BRD1: variants seen among roughly 807,000 people sequenced by gnomAD.
BRD1 encodes the protein bromodomain containing 1, also known as bromodomain-containing protein 1.
A neutral mutation model predicts 107.7 loss-of-function variants in BRD1; 24 were observed. The ratio of observed to expected loss-of-function variants is 0.22; its 90% CI spans 0.16 to 0.31. BRD1 has a LOEUF of 0.31. Ranked by LOEUF, BRD1 falls within the 10% of genes least tolerant of loss-of-function variation. The pLI, the probability that BRD1 is intolerant of heterozygous loss-of-function variation, is 1.00. For missense variants in BRD1, 1,279 were observed against 1,638.6 expected, an observed-to-expected ratio of 0.78 and a Z score of 3.79; for synonymous variants, 744 against 686.1, an observed-to-expected ratio of 1.08 and a Z score of -1.32.
At chr22:49,819,900 C>T (rs571236071) in intron 2 of BRD1, among the ~76,000 whole-genome samples, 4 of 151,346 alleles carry the variant, frequency 2.6e-5, no homozygotes, top group Non-Finnish European at 5.9e-5. Flanking sequence ...GAGTTCGAGG[C>T]GGGTGGATCA....
intron 7 of BRD1, among the ~76,000 whole-genome samples, chr22:49,791,788 C>T (rs2059440250): frequency 6.6e-6 from 1 of 152,086 alleles, no homozygotes; most frequent in African/African-American, 2.4e-5. Context: ...CGCCTCACCT[C>T]GGAGTGGACT....
chr22:49,791,545 G>A (rs991127834), intron 7 of BRD1, among the ~76,000 whole-genome samples: 23 of 152,310 alleles, frequency 1.5e-4, no homozygotes, highest in African/African-American at 4.3e-4. Flanking sequence ...TGATGAGAAC[G>A]TTCATGCTGG....
At chr22:49,775,931 C>CA in intron 11 of BRD1, 119 bp downstream of exon 11, 1 of 1,193,752 alleles carries the variant, frequency 8.4e-7, no homozygotes, top group Non-Finnish European at 1.2e-6. Context: ...ACCAACCCCG[C>CA]CCCCCCGCCA....
intron 8 of BRD1, among the ~76,000 whole-genome samples, chr22:49,785,367 G>A (rs887243657): frequency 6.6e-6 from 1 of 152,266 alleles, no homozygotes; most frequent in African/African-American, 2.4e-5. Flanking sequence ...CCATACCTCT[G>A]CCGCCGACAG....
intron 2 of BRD1, among the ~76,000 whole-genome samples, chr22:49,815,534 C>T (rs2059933422): frequency 6.8e-6 from 1 of 146,824 alleles, no homozygotes; most frequent in Non-Finnish European, 1.5e-5. Context: ...CACAGCAAGA[C>T]TCCATCTCAA....
chr22:49,794,059 C>A lies in BRD1; in HGVS notation c.2334G>T (p.Ala778=), dbSNP rs1385605566. The A allele has an allele frequency of 2.5e-6, 4 of 1,613,656 alleles. No homozygotes were observed. The highest frequency in any genetic ancestry group is 3.4e-6 in the Non-Finnish European group (4 of 1,179,956). ...CTTCCTCGCCCGCCTCCGGCCCCAG[C>A]GCAGCTCCGTCCTCTTCGAAGCCTT... ...GLEGFEEDGA[A]LGPEAGEEGD... Residue 778 remains alanine (A), a synonymous_variant, in exon 7 of 13, where the codon GCG becomes GCT. Coordinates refer to ENST00000404760, the MANE Select transcript of BRD1 (RefSeq NM_001304808.3).
intron 7 of BRD1, among the ~76,000 whole-genome samples, chr22:49,791,833 C>T (rs1433995296): frequency 1.3e-5 from 2 of 152,180 alleles, no homozygotes; most frequent in Non-Finnish European, 2.9e-5. Context: ...ACCTTCCCAT[C>T]AGCTCACAGG....
chr22:49,777,999 G>A (rs1050184772), intron 8 of BRD1, among the ~76,000 whole-genome samples, 186 bp from the exon 9 acceptor site: 1 of 152,226 alleles, frequency 6.6e-6, no homozygotes, highest in African/African-American at 2.4e-5. Context: ...AAAGTTACTC[G>A]TTAAATGAAA....
intron 8 of BRD1, 86 bp from the exon 9 acceptor site, chr22:49,777,899 C>A: frequency 6.8e-7 from 1 of 1,470,868 alleles, no homozygotes; most frequent in Admixed American, 2.2e-5. Flanking sequence ...TGGAACACAT[C>A]TTACAAAGCA....
rs546089892 is a variant in BRD1, at chr22:49,775,868, C to T, written c.3232-123G>A. The T allele has an allele frequency of 5.1e-5, 63 of 1,246,560 alleles. No individual in the cohort carries two copies. The East Asian group carries it at 1.0e-3, about 21-fold the overall frequency. 77.2% of individuals were successfully genotyped at this position (1,246,560 alleles called of 1,614,324 possible). A position where few individuals can be genotyped will look rare whatever the true frequency, so the allele number is the denominator to read the frequency against. On this transcript the variant is annotated intron_variant, in intron 11 of 12. Coordinates refer to ENST00000404760, the MANE Select transcript of BRD1 (RefSeq NM_001304808.3). ...TGTGAGCCTCCTCAGACCACCCCCA[C>T]GCCCCCCTCGCCGAACCACCCCTGC...
In BRD1 at chr22:49,823,508, G is replaced by A. The variant is rs1353642814; in HGVS notation, c.810C>T (p.Asp270=). Residue 270 remains aspartate (D), a synonymous_variant, in exon 2 of 13, where the codon GAC becomes GAT. Transcript: ENST00000404760. The part of the protein sequence containing the change: ...HCLQSRARPA[D]CVLCPNKGGA... ...CACCCTTGTTGGGGCACAGCACACA[G>A]TCGGCGGGCCGGGCCCGCGACTGCA... The A allele has an allele frequency of 3.7e-6, 6 of 1,603,776 alleles. No individual in the cohort carries two copies. Among genetic ancestry groups the A allele is most frequent in the Middle Eastern group, 1.7e-4 (1 of 6,048 alleles).
In BRD1 at chr22:49,824,902, CA is replaced by C. The variant is rs2147442255; in HGVS notation, c.-14-572del. 1 of 830,518 alleles carries C rather than the reference CA, an allele frequency of 1.2e-6. No homozygotes were observed. The highest frequency in any genetic ancestry group is 1.1e-4 in the East Asian group (1 of 8,908). 51.4% of individuals were successfully genotyped at this position (830,518 alleles called of 1,614,324 possible). A position where few individuals can be genotyped will look rare whatever the true frequency, so the allele number is the denominator to read the frequency against. ...GTCCTTGCAGCATTCCTGCTGGGGC[CA>C]GGGGTAGGAGACAGATCACAGCCTG... On this transcript the variant is annotated intron_variant, in intron 1 of 12. Coordinates refer to ENST00000404760, the MANE Select transcript of BRD1 (RefSeq NM_001304808.3). The surrounding 1 kb of genome is among the most constrained non-coding windows in gnomAD (Gnocchi z 5.9).
chr22:49,822,801 A>G, intron 2 of BRD1, 150 bp downstream of exon 2: 1 of 879,348 alleles, frequency 1.1e-6, no homozygotes, highest in Non-Finnish European at 1.7e-6. Context: ...CGTGGTAAAC[A>G]AGCAGAACCA....
Position 49,824,262 on chromosome 22 carries a change from G to T in BRD1, c.56C>A (p.Pro19Gln). ...CGTAGGGGAGTGTTTAACACTGCAT[G>T]GGGAAGAAGGATGCCTCGCTGCAGA... ...RGSAARHPSS[P>Q]CSVKHSPTRE... Residue 19 changes from proline (P) to glutamine (Q), a missense_variant, in exon 2 of 13, where the codon CCA becomes CAA. By Grantham distance (76) the Pro-to-Gln change is moderately conservative (BLOSUM62 -1). Coordinates refer to ENST00000404760, the MANE Select transcript of BRD1 (RefSeq NM_001304808.3). This position sits in a 1 kb window ranked among gnomAD's most constrained non-coding sequence, Gnocchi z 5.9. 6.2e-7 allele frequency: 1 copy of T among 1,613,972 alleles called. No homozygotes were observed. Among genetic ancestry groups the T allele is most frequent in the Non-Finnish European group, 8.5e-7 (1 of 1,180,012 alleles).
chr22:49,795,224 G>T (rs750610208), intron 6 of BRD1, among the ~76,000 whole-genome samples: 1 of 152,150 alleles, frequency 6.6e-6, no homozygotes, highest in African/African-American at 2.4e-5. Flanking sequence ...GAAACCCCAA[G>T]AAGAAAGCCT....
At position 49,774,071 on chromosome 22, in the gene BRD1, G is replaced by T; in HGVS notation, c.*162C>A. 1 of 1,008,826 alleles carries T rather than the reference G, an allele frequency of 9.9e-7. No homozygotes were observed. The highest frequency in any genetic ancestry group is 1.4e-6 in the Non-Finnish European group (1 of 713,572). The allele number at this position is 1,008,826 out of a possible 1,614,324, so 62.5% of individuals were successfully genotyped here. A position where few individuals can be genotyped will look rare whatever the true frequency, so the allele number is the denominator to read the frequency against. Reference sequence around the variant, plus strand: ...ACCCCACTCACAGCGCCCAGACGGAGATGGGTTCCTAGAAAACTTGGAAAT... The same window carrying T: ...ACCCCACTCACAGCGCCCAGACGGATATGGGTTCCTAGAAAACTTGGAAAT... On this transcript the variant is annotated 3_prime_UTR_variant, in exon 13 of 13. Transcript: ENST00000404760.
At chr22:49,776,193 C>T in intron 10 of BRD1, 34 bp from the exon 11 acceptor site, 1 of 1,571,818 alleles carries the variant, frequency 6.4e-7, no homozygotes. Flanking sequence ...ACACAGGCGT[C>T]AGCAGGACAC....
chr22:49,778,967 A>AT (rs1003479625), intron 8 of BRD1, among the ~76,000 whole-genome samples: 5 of 152,216 alleles, frequency 3.3e-5, no homozygotes, highest in African/African-American at 7.2e-5. Flanking sequence ...GGCCATGTGA[A>AT]TTTTTTTATC....
intron 2 of BRD1, among the ~76,000 whole-genome samples, chr22:49,810,117 A>C (rs1266764657): frequency 6.6e-6 from 1 of 152,214 alleles, no homozygotes; most frequent in East Asian, 1.9e-4. Context: ...TTAAAAAATT[A>C]ATTTGGTTAA....
Sources: allele counts gnomAD v4.1 joint callset (sites outside exome capture counted in the v4.1 genomes callset), GRCh38; gene constraint gnomAD v4.1.1; non-coding constraint Gnocchi (gnomAD v3.1); transcripts MANE v1.5; gene names NCBI Gene and HGNC (gene_info 2026-07-23, HGNC 2026-07-21).